The following SCP2 variants were observed in gnomAD, a reference collection of about 807,000 sequenced individuals.
The protein encoded by SCP2 is sterol carrier protein 2.
Under a neutral mutation model 71.4 loss-of-function variants are expected in SCP2, and 48 were observed. The observed-to-expected ratio is 0.67, with a 90% confidence interval of 0.53 to 0.86. SCP2 has a LOEUF of 0.86. SCP2 is among the 40% of genes least tolerant of loss of function. The probability of loss-of-function intolerance (pLI) is 0.00; values close to 1 mark genes in which losing one functional copy is unlikely to be tolerated. For synonymous variants in SCP2, 220 were observed against 218.1 expected (o/e 1.01, Z -0.08); for missense variants, 560 against 655.6 (o/e 0.85, Z 1.59).
chr1:53,003,041 T>TG (rs1660416136), intron 11 of SCP2, among the ~76,000 whole-genome samples: 1 of 152,182 alleles, frequency 6.6e-6, no homozygotes, highest in African/African-American at 2.4e-5. Context: ...CACCCATCCT[T>TG]GTTTCCATTG....
chr1:52,949,672 C>T (rs1444014807), intron 3 of SCP2, among the ~76,000 whole-genome samples: 1 of 152,130 alleles, frequency 6.6e-6, no homozygotes, highest in African/African-American at 2.4e-5. Flanking sequence ...GAGGAAGTAA[C>T]TTGTGGAATG....
intron 14 of SCP2, among the ~76,000 whole-genome samples, chr1:53,042,952 C>G (rs761770059): frequency 6.6e-6 from 1 of 152,138 alleles, no homozygotes; most frequent in Non-Finnish European, 1.5e-5. Context: ...TGAAACGACT[C>G]ATATAGCATA....
In SCP2 at chr1:52,978,251, G is replaced by A. The variant is rs766273342; in HGVS notation, c.709G>A (p.Ala237Thr). 1.1e-5 allele frequency: 18 copies of A among 1,614,012 alleles called. No homozygotes were observed. The South Asian group carries it at 1.8e-4, about 16-fold the overall frequency. The change falls in exon 9 of 16, where the codon GCC (alanine) becomes ACC (threonine). Residue 237 changes from alanine to threonine, a missense_variant. Physicochemically the swap from Ala to Thr is moderately conservative, Grantham distance 58 (BLOSUM62 0). Coordinates refer to ENST00000371514, the MANE Select transcript of SCP2 (RefSeq NM_002979.5). Reference sequence around the variant, plus strand: ...AGATGGTGCTGCAGCAGCAATTTTGGCCAGTGAAGCATTTGTACAGAAGTA... The same window carrying A: ...AGATGGTGCTGCAGCAGCAATTTTGACCAGTGAAGCATTTGTACAGAAGTA... ...TSDGAAAAILASEAFVQKYGL... is the reference protein window; with the variant it reads ...TSDGAAAAILTSEAFVQKYGL...
chr1:52,991,386 GT>G (rs796180871), intron 11 of SCP2, among the ~76,000 whole-genome samples: 6,923 of 148,104 alleles, frequency 0.047, 526 homozygotes, highest in African/African-American at 0.16. Context: ...TAAACCTCTT[GT>G]TTTTTTTTTC....
intron 11 of SCP2, among the ~76,000 whole-genome samples, chr1:52,999,773 A>G (rs1660178581): frequency 6.6e-6 from 1 of 151,506 alleles, no homozygotes; most frequent in Admixed American, 6.6e-5. Context: ...TCCAGTTTTC[A>G]AAGTGCTTTT....
At chr1:53,038,199 TA>T (rs1663157796) in intron 13 of SCP2, among the ~76,000 whole-genome samples, 1 of 148,812 alleles carries the variant, frequency 6.7e-6, no homozygotes, top group Admixed American at 6.9e-5. Flanking sequence ...TATATGTGTT[TA>T]TATATATACC....
At chr1:52,940,598 C>T (rs780669573) in intron 1 of SCP2, among the ~76,000 whole-genome samples, 3 of 152,014 alleles carry the variant, frequency 2.0e-5, no homozygotes, top group East Asian at 1.9e-4. Flanking sequence ...CTGTAATGCA[C>T]GGAACCTACC....
At chr1:53,030,318 G>A (rs901419207) in intron 13 of SCP2, among the ~76,000 whole-genome samples, 54 of 152,014 alleles carry the variant, frequency 3.6e-4, no homozygotes, top group African/African-American at 1.3e-3. Flanking sequence ...ATTTCCTGTT[G>A]CACTCATATT....
Position 52,941,734 on chromosome 1 carries a change from C to CA in SCP2, c.70-47dup, listed in dbSNP as rs143386725. On this transcript the variant is annotated intron_variant, in intron 1 of 15. Coordinates refer to ENST00000371514, the MANE Select transcript of SCP2 (RefSeq NM_002979.5). The stretch of plus-strand genomic sequence containing the variant: ...TGGGTAACAGAGCAAGACTCCGTCT[C>CA]AAAAAAAAAAAAAAATGTAACTATA... 128,491 of 885,716 alleles carry CA rather than the reference C, an allele frequency of 0.15. 23 individuals carry two copies. The highest frequency in any genetic ancestry group is 0.16 in the Non-Finnish European group (93,254 of 595,440). 54.9% of individuals were successfully genotyped at this position (885,716 alleles called of 1,614,324 possible).
intron 11 of SCP2, among the ~76,000 whole-genome samples, chr1:53,009,001 A>T (rs938299389): frequency 1.1e-4 from 17 of 152,046 alleles, no homozygotes; most frequent in African/African-American, 4.1e-4. Context: ...CAAACAGCCA[A>T]ATCATGAGTG....
At chr1:53,001,710 C>G (rs915812691) in intron 11 of SCP2, among the ~76,000 whole-genome samples, 1 of 152,162 alleles carries the variant, frequency 6.6e-6, no homozygotes, top group Non-Finnish European at 1.5e-5. Context: ...ACTGGAAACG[C>G]CCATCTTCAA....
At chr1:52,949,145 A>G (rs1437705060) in intron 3 of SCP2, among the ~76,000 whole-genome samples, 1 of 152,232 alleles carries the variant, frequency 6.6e-6, no homozygotes, top group Admixed American at 6.5e-5. Context: ...AGTAGGTGTT[A>G]CTGTAGATGA....
intron 11 of SCP2, among the ~76,000 whole-genome samples, chr1:52,996,421 G>A (rs1218755886): frequency 1.3e-5 from 2 of 152,234 alleles, no homozygotes; most frequent in Non-Finnish European, 2.9e-5. Context: ...GTAGAAGGTG[G>A]CAGGTAGAAG....
At chr1:52,978,594 A>G (rs1446276659) in intron 9 of SCP2, among the ~76,000 whole-genome samples, 1 of 152,012 alleles carries the variant, frequency 6.6e-6, no homozygotes, top group Non-Finnish European at 1.5e-5. Context: ...ACAGGGTCTT[A>G]CTCTGTCACT....
chr1:53,029,093 T>C (rs1168258426), intron 13 of SCP2, among the ~76,000 whole-genome samples: 1 of 152,058 alleles, frequency 6.6e-6, no homozygotes, highest in African/African-American at 2.4e-5. Context: ...TGTTGTTTTT[T>C]ATTATACTAT....
rs1054046071 is a variant in SCP2, at chr1:52,950,866, C to G, written c.311C>G (p.Ala104Gly). The G allele has an allele frequency of 1.9e-6, 3 of 1,613,804 alleles. No individual in the cohort carries two copies. In the African/African-American group the frequency reaches 4.0e-5, roughly 22 times the overall value. ...CATGSTALFM[A>G]RQLIQGGVAE... is the part of the protein sequence containing the mutation. ...ACTGGTTCTACTGCTTTGTTTATGG[C>G]CCGCCAGCTGATTCAGGGTGGTAAG... is the stretch of plus-strand genomic sequence containing the variant. Residue 104 changes from alanine to glycine, a missense_variant, in exon 4 of 16, where the codon GCC (alanine) becomes GGC (glycine). Physicochemically the swap from Ala to Gly is moderately conservative, Grantham distance 60. Coordinates refer to ENST00000371514, the MANE Select transcript of SCP2 (RefSeq NM_002979.5).
Position 52,983,197 on chromosome 1 carries a change from T to C in SCP2, c.973+2654T>C, listed in dbSNP as rs963818021. 6.6e-5 allele frequency among the ~76,000 whole-genome samples: 10 copies of C among 152,352 alleles called. No individual in the cohort carries two copies. In the East Asian group the frequency reaches 1.9e-3, roughly 29 times the overall value. On this transcript the variant is annotated intron_variant, in intron 10 of 15. Transcript: ENST00000371514. The stretch of plus-strand genomic sequence containing the variant: ...CGCCATAGTTTCTAACGAGGAGTCA[T>C]GGTCATTCAAATTGTTGTTTCTCTG...
In SCP2 at chr1:53,031,636, T is replaced by C. The variant is rs183230119; in HGVS notation, c.1338+3565T>C. The stretch of plus-strand genomic sequence containing the variant: ...AAGGAGGCACTCAGAACTTTCTCAG[T>C]ACTAATGATCTCCAATTTCACAACT... On this transcript the variant is annotated intron_variant, in intron 13 of 15. Transcript: ENST00000371514. Among the ~76,000 whole-genome samples, 9 of 152,338 alleles carry C rather than the reference T, an allele frequency of 5.9e-5. No individual in the cohort carries two copies. In the East Asian group the frequency reaches 1.5e-3, roughly 26 times the overall value.
intron 11 of SCP2, among the ~76,000 whole-genome samples, chr1:53,009,227 A>G (rs954022262): frequency 6.6e-6 from 1 of 152,218 alleles, no homozygotes; most frequent in Non-Finnish European, 1.5e-5. Context: ...ATTCAGTGCC[A>G]TCCCCATCAA....
Sources: allele counts gnomAD v4.1 joint callset (sites outside exome capture counted in the v4.1 genomes callset), GRCh38; gene constraint gnomAD v4.1.1; transcripts MANE v1.5; gene names NCBI Gene and HGNC (gene_info 2026-07-23, HGNC 2026-07-21).